Variants in SORCS3 observed in about 807,000 individuals in gnomAD.
The protein encoded by SORCS3 is sortilin related VPS10 domain containing receptor 3.
A neutral mutation model predicts 146.3 loss-of-function variants in SORCS3; 57 were observed. The observed-to-expected ratio is 0.39, with a 90% CI of 0.31 to 0.49. The LOEUF is 0.49. Ranked by LOEUF, SORCS3 falls within the 20% of genes least tolerant of loss-of-function variation. The pLI, the probability that SORCS3 is intolerant of heterozygous loss-of-function variation, is 0.92. For missense variants in SORCS3, 1,341 were observed against 1,575.5 expected, an observed-to-expected ratio of 0.85 and a Z score of 2.52; for synonymous variants, 653 against 618.5, an observed-to-expected ratio of 1.06 and a Z score of -0.83.
At chr10:104,644,368 G>T (rs912489508) in intron 1 of SORCS3, among the ~76,000 whole-genome samples, 1 of 152,246 alleles carries the variant, frequency 6.6e-6, no homozygotes, top group Admixed American at 6.5e-5. Context: ...AGAGATCCTT[G>T]ATTATCAGGT....
intron 3 of SORCS3, among the ~76,000 whole-genome samples, chr10:104,950,992 C>T (rs1201367129): frequency 6.6e-6 from 1 of 152,182 alleles, no homozygotes; most frequent in Non-Finnish European, 1.5e-5. Flanking sequence ...TACTTTTTGA[C>T]CTGCACATCT....
intron 3 of SORCS3, among the ~76,000 whole-genome samples, chr10:104,976,156 A>G (rs1485419185): frequency 1.3e-5 from 2 of 152,188 alleles, no homozygotes; most frequent in Non-Finnish European, 2.9e-5. Context: ...TTCGCATCCT[A>G]CTCATCTGAC....
At chr10:104,780,385 C>A (rs2017360875) in intron 1 of SORCS3, among the ~76,000 whole-genome samples, 1 of 152,144 alleles carries the variant, frequency 6.6e-6, no homozygotes. Context: ...TATTAATAAA[C>A]CTTAGACACA....
intron 19 of SORCS3, among the ~76,000 whole-genome samples, chr10:105,219,218 G>A (rs569802340): frequency 1.1e-4 from 16 of 152,212 alleles, no homozygotes; most frequent in Middle Eastern, 6.8e-3. Flanking sequence ...AACAAAATCA[G>A]CAAAGGGAAA....
At position 104,950,398 on chromosome 10, in the gene SORCS3, C is replaced by T. The variant is rs573102900; in HGVS notation, c.796-26937C>T. ...TCTAGGGTATGTTGCTTAATCTCAC[C>T]GGACTTTTCTCTGAAAATTGTGGTT... On this transcript the variant is annotated intron_variant, in intron 3 of 26. Coordinates refer to ENST00000369701, the MANE Select transcript of SORCS3 (RefSeq NM_014978.3). Among the ~76,000 whole-genome samples the T allele has an allele frequency of 9.2e-5, 14 of 152,208 alleles. No homozygotes were observed. The South Asian group carries it at 2.9e-3, about 32-fold the overall frequency.
At chr10:104,826,393 C>T (rs1276233211) in intron 1 of SORCS3, among the ~76,000 whole-genome samples, 7 of 152,098 alleles carry the variant, frequency 4.6e-5, no homozygotes, top group Non-Finnish European at 1.0e-4. Context: ...CACACATATA[C>T]CTCAGAGATA....
At chr10:104,981,470 A>T (rs1021354787) in intron 4 of SORCS3, among the ~76,000 whole-genome samples, 1 of 152,194 alleles carries the variant, frequency 6.6e-6, no homozygotes, top group African/African-American at 2.4e-5. Context: ...TCAGTTATTT[A>T]AGTGGTAGGA....
At chr10:105,061,896 G>T (rs1004121149) in intron 5 of SORCS3, among the ~76,000 whole-genome samples, 1 of 152,116 alleles carries the variant, frequency 6.6e-6, no homozygotes, top group Non-Finnish European at 1.5e-5. Flanking sequence ...GCCACCAGGG[G>T]AGGGGTGTGA....
intron 9 of SORCS3, among the ~76,000 whole-genome samples, chr10:105,150,046 G>A (rs112389048): frequency 1.0e-3 from 154 of 152,164 alleles, no homozygotes; most frequent in Middle Eastern, 6.8e-3. Context: ...AGGATTGATC[G>A]CACCCCTGCT....
chr10:104,834,192 G>A (rs1041801253), intron 1 of SORCS3, among the ~76,000 whole-genome samples: 2 of 152,080 alleles, frequency 1.3e-5, no homozygotes, highest in Non-Finnish European at 2.9e-5. Context: ...TCCCCTCACT[G>A]CCTTTCTAAA....
intron 25 of SORCS3, among the ~76,000 whole-genome samples, chr10:105,257,969 C>T (rs555501160): frequency 5.3e-5 from 8 of 152,126 alleles, no homozygotes; most frequent in Non-Finnish European, 1.2e-4. Flanking sequence ...TGAAAGCCTC[C>T]TTTAGTCCTG....
At chr10:104,717,307 A>AC (rs1281013290) in intron 1 of SORCS3, among the ~76,000 whole-genome samples, 1 of 151,936 alleles carries the variant, frequency 6.6e-6, no homozygotes, top group African/African-American at 2.4e-5. Flanking sequence ...ATGTAAAAAA[A>AC]AAAAAAAAAA....
Position 104,977,425 on chromosome 10 carries a change from T to C in SORCS3, c.886T>C (p.Tyr296His). 1 of 1,613,858 alleles carries C rather than the reference T, an allele frequency of 6.2e-7. No homozygotes were observed. Among genetic ancestry groups the C allele is most frequent in the Non-Finnish European group, 8.5e-7 (1 of 1,179,896 alleles). The change falls in exon 4 of 27, where the codon TAT becomes CAT. Residue 296 changes from tyrosine to histidine, a missense_variant. By Grantham distance (83) the Tyr-to-His change is moderately conservative. Transcript: ENST00000369701. ...ATYQKYRLTFYIQSLLFHPKQ... is the reference protein window; with the variant it reads ...ATYQKYRLTFHIQSLLFHPKQ... ...CTATCAGAAGTATCGGCTCACCTTC[T>C]ATATCCAGAGCCTGCTCTTTCATCC...
chr10:105,137,000 C>T (rs2056063280), intron 7 of SORCS3, among the ~76,000 whole-genome samples: 1 of 152,110 alleles, frequency 6.6e-6, no homozygotes, highest in East Asian at 1.9e-4. Context: ...GATGAGTTCT[C>T]AAGGCTGCGG....
chr10:104,855,114 C>T (rs1026470803), intron 2 of SORCS3, among the ~76,000 whole-genome samples: 2 of 152,088 alleles, frequency 1.3e-5, no homozygotes, highest in Non-Finnish European at 2.9e-5. Flanking sequence ...ATTGCTTTTG[C>T]CCCTTTGTCA....
At chr10:104,782,227 C>A (rs2017382006) in intron 1 of SORCS3, among the ~76,000 whole-genome samples, 1 of 152,182 alleles carries the variant, frequency 6.6e-6, no homozygotes, top group African/African-American at 2.4e-5. Context: ...ACCTGATACT[C>A]CTGAGCCTGG....
At chr10:104,816,752 A>G (rs755421364) in intron 1 of SORCS3, among the ~76,000 whole-genome samples, 1 of 152,200 alleles carries the variant, frequency 6.6e-6, no homozygotes, top group Non-Finnish European at 1.5e-5. Context: ...GAGGTTCCTT[A>G]GCCTCTTTGA....
intron 1 of SORCS3, among the ~76,000 whole-genome samples, chr10:104,733,997 G>T (rs914822571): frequency 2.0e-5 from 3 of 152,264 alleles, no homozygotes; most frequent in African/African-American, 4.8e-5. Context: ...TTAGCAATCT[G>T]CCCTCATGCA....
intron 1 of SORCS3, among the ~76,000 whole-genome samples, chr10:104,726,076 G>T (rs1351393394): frequency 6.6e-6 from 1 of 152,224 alleles, no homozygotes. Context: ...CTCACGCTGG[G>T]TGCTGTAGAC....
Sources: gnomAD v4.1 joint callset for allele counts (sites outside exome capture counted in the v4.1 genomes callset) on GRCh38, gnomAD v4.1.1 for gene constraint, MANE v1.5 for transcripts, NCBI Gene and HGNC (gene_info 2026-07-23, HGNC 2026-07-21) for gene names.